Variants in FGF14 observed in about 807,000 individuals in gnomAD.
FGF14 encodes the protein fibroblast growth factor 14.
FGF14 carries 5 observed loss-of-function variants against 25.5 expected under a neutral mutation model. The observed-to-expected ratio is 0.20, with a 90% CI of 0.10 to 0.41. The LOEUF (loss-of-function observed/expected upper bound fraction) is 0.41, where lower values mean the gene tolerates loss of function less well. Among genes scored for constraint, FGF14 ranks in the 10% least tolerant of loss-of-function variants. FGF14 has a pLI of 1.00. For synonymous variants in FGF14, 138 were observed against 118.3 expected (o/e 1.17, Z -1.08); for missense variants, 222 against 320.1 (o/e 0.69, Z 2.34).
At chr13:102,103,403 G>T (rs1346976708) in intron 1 of FGF14, among the ~76,000 whole-genome samples, 2 of 151,982 alleles carry the variant, frequency 1.3e-5, no homozygotes, top group African/African-American at 4.8e-5. Flanking sequence ...AAACCAAGGC[G>T]ATGGTACTCT....
At chr13:102,240,725 T>C (rs1211688655) in intron 1 of FGF14, among the ~76,000 whole-genome samples, 1 of 152,128 alleles carries the variant, frequency 6.6e-6, no homozygotes, top group Non-Finnish European at 1.5e-5. Context: ...TTGTAACACA[T>C]AAAATTTTTT....
At chr13:101,799,692 T>C (rs1388477113) in intron 3 of FGF14, among the ~76,000 whole-genome samples, 1 of 152,092 alleles carries the variant, frequency 6.6e-6, no homozygotes, top group Non-Finnish European at 1.5e-5. Context: ...TGGCAGACCC[T>C]TCCCACTTCC....
At chr13:102,277,607 C>T (rs1466286567) in intron 1 of FGF14, among the ~76,000 whole-genome samples, 4 of 152,312 alleles carry the variant, frequency 2.6e-5, no homozygotes, top group East Asian at 1.9e-4. Context: ...CCCATTACCC[C>T]GCTGGACAGC....
At chr13:102,186,234 T>A (rs1456363720) in intron 1 of FGF14, among the ~76,000 whole-genome samples, 1 of 152,188 alleles carries the variant, frequency 6.6e-6, no homozygotes, top group Non-Finnish European at 1.5e-5. Flanking sequence ...ACAGAAATAT[T>A]TTCTCTTAAG....
chr13:102,037,355 T>C (rs2041525119), intron 1 of FGF14, among the ~76,000 whole-genome samples: 1 of 152,162 alleles, frequency 6.6e-6, no homozygotes, highest in Non-Finnish European at 1.5e-5. Context: ...TGACCTTTTC[T>C]GGTTTGTAGA....
chr13:102,275,219 T>C (rs546010659), intron 1 of FGF14, among the ~76,000 whole-genome samples: 116 of 147,518 alleles, frequency 7.9e-4, no homozygotes, highest in African/African-American at 2.7e-3. Context: ...ATCTGCCAAC[T>C]GAGATTAGGC....
chr13:102,392,557 T>C (rs978905089), intron 1 of FGF14, among the ~76,000 whole-genome samples: 6 of 152,208 alleles, frequency 3.9e-5, no homozygotes, highest in Non-Finnish European at 8.8e-5. Context: ...AGTCTCCTAC[T>C]TGCTGTTAAA....
intron 1 of FGF14, among the ~76,000 whole-genome samples, chr13:102,095,347 T>C (rs911537196): frequency 9.2e-5 from 14 of 152,038 alleles, no homozygotes; most frequent in African/African-American, 3.1e-4. Context: ...CAGACAGTCA[T>C]CAGTTTGGCA....
intron 1 of FGF14, among the ~76,000 whole-genome samples, chr13:101,948,405 C>A (rs750222100): frequency 6.6e-6 from 1 of 151,434 alleles, no homozygotes; most frequent in Non-Finnish European, 1.5e-5. Context: ...AATAGGTATA[C>A]TACACATATG....
At chr13:102,074,040 C>A (rs60340139) in intron 1 of FGF14, among the ~76,000 whole-genome samples, 1 of 152,152 alleles carries the variant, frequency 6.6e-6, no homozygotes, top group Non-Finnish European at 1.5e-5. Context: ...CAGGATCTTG[C>A]TGTGTCACCC....
At chr13:102,297,166 C>T (rs1219208930) in intron 1 of FGF14, among the ~76,000 whole-genome samples, 1 of 152,084 alleles carries the variant, frequency 6.6e-6, no homozygotes, top group South Asian at 2.1e-4. Context: ...TTCCTCCCCC[C>T]AGAACCCATA....
At chr13:101,925,920 G>A (rs1329408051) in intron 1 of FGF14, among the ~76,000 whole-genome samples, 1 of 152,106 alleles carries the variant, frequency 6.6e-6, no homozygotes, top group African/African-American at 2.4e-5. Context: ...TAATCTTCCA[G>A]AGGCCACCTG....
chr13:101,837,557 AATG>A (rs1242289049), intron 3 of FGF14, among the ~76,000 whole-genome samples: 1 of 152,124 alleles, frequency 6.6e-6, no homozygotes, highest in African/African-American at 2.4e-5. Context: ...ATCTAACAAC[AATG>A]ATGTTTTAAA....
intron 3 of FGF14, among the ~76,000 whole-genome samples, chr13:101,790,075 C>T (rs1176901703): frequency 6.6e-6 from 1 of 151,420 alleles, no homozygotes; most frequent in African/African-American, 2.4e-5. Flanking sequence ...ATCATCAAAT[C>T]TTATAATCAT....
intron 1 of FGF14, among the ~76,000 whole-genome samples, chr13:101,966,375 TAGGAAG>T (rs2139498315): frequency 6.6e-6 from 1 of 152,266 alleles, no homozygotes; most frequent in South Asian, 2.1e-4. Flanking sequence ...TTGCAGAAAC[TAGGAAG>T]AGGCAAATAC....
intron 1 of FGF14, among the ~76,000 whole-genome samples, chr13:102,178,819 A>G (rs950048370): frequency 2.6e-5 from 4 of 152,026 alleles, no homozygotes; most frequent in Non-Finnish European, 4.4e-5. Context: ...GTGTGTGTGT[A>G]TATATATACC....
At chr13:101,759,905 C>T (rs1222618669) in intron 3 of FGF14, among the ~76,000 whole-genome samples, 2 of 152,096 alleles carry the variant, frequency 1.3e-5, no homozygotes, top group African/African-American at 4.8e-5. Context: ...GAGGCTGTTT[C>T]CCTCTCTTCT....
intron 1 of FGF14, among the ~76,000 whole-genome samples, chr13:102,189,011 AAAGAATGAAAGAAGAAAAGAAAGAAAG>A (rs2049006105): frequency 1.4e-5 from 1 of 72,226 alleles, no homozygotes. Flanking sequence ...AAAGAAAGAG[AAAGAATGAAAGAAGAAAAGAAAGAAAG>A]AAAGAGAAAG....
intron 3 of FGF14, among the ~76,000 whole-genome samples, chr13:101,819,293 T>C (rs1000935991): frequency 1.1e-4 from 17 of 152,294 alleles, no homozygotes; most frequent in Non-Finnish European, 2.4e-4. Flanking sequence ...ACAGCCAAGA[T>C]TATTTTCTTC....
Sources: gnomAD v4.1 joint callset for allele counts (sites outside exome capture counted in the v4.1 genomes callset) on GRCh38, gnomAD v4.1.1 for gene constraint, MANE v1.5 for transcripts, NCBI Gene and HGNC (gene_info 2026-07-23, HGNC 2026-07-21) for gene names.